The following PARM1 variants were observed in gnomAD, a reference collection of about 807,000 sequenced individuals.
PARM1 encodes prostate androgen-regulated mucin-like protein 1, also known as WSC4, cell wall integrity and stress response component 4 homolog.
Under a neutral mutation model 24.6 loss-of-function variants are expected in PARM1, and 14 were observed. That is an observed-to-expected ratio of 0.57 (90% CI 0.38 to 0.89). The LOEUF is 0.89. PARM1 is among the 40% of genes least tolerant of loss of function. PARM1 has a pLI of 0.00. For synonymous variants in PARM1, 179 were observed against 156.6 expected, an observed-to-expected ratio of 1.14 and a Z score of -1.07; for missense variants, 362 against 380.4, an observed-to-expected ratio of 0.95 and a Z score of 0.40.
chr4:74,971,647 C>T (rs115324856), intron 1 of PARM1, among the ~76,000 whole-genome samples: 89 of 152,224 alleles, frequency 5.8e-4, no homozygotes, highest in African/African-American at 2.0e-3. Flanking sequence ...CTTTGTTTAT[C>T]TGAAAATAAA....
At chr4:75,029,433 G>C (rs1578056947) in intron 2 of PARM1, among the ~76,000 whole-genome samples, 1 of 152,256 alleles carries the variant, frequency 6.6e-6, no homozygotes, top group Middle Eastern at 3.4e-3. Flanking sequence ...GGAATCATGG[G>C]GGTGAGTTTT....
intron 3 of PARM1, among the ~76,000 whole-genome samples, chr4:75,045,708 C>T (rs1218516934): frequency 6.6e-6 from 1 of 152,186 alleles, no homozygotes; most frequent in East Asian, 1.9e-4. Context: ...TATAGAAGCA[C>T]TTTATAAATT....
chr4:74,996,355 T>G (rs1722576462), intron 1 of PARM1, among the ~76,000 whole-genome samples: 1 of 152,194 alleles, frequency 6.6e-6, no homozygotes, highest in Non-Finnish European at 1.5e-5. Context: ...ATTTTTTAAA[T>G]TGAAGAATAA....
Position 74,933,246 on chromosome 4 carries a change from C to T in PARM1, c.-82C>T. On this transcript the variant is annotated 5_prime_UTR_variant, in exon 1 of 4. Transcript: ENST00000307428. The stretch of plus-strand genomic sequence containing the variant: ...ACCGCAGCCCACCCGGCAGAGGAGT[C>T]GCTACCAGCGCCCAGTGCGCTCTGT... 1.6e-6 allele frequency: 2 copies of T among 1,273,900 alleles called. No homozygotes were observed. Among genetic ancestry groups the T allele is most frequent in the Non-Finnish European group, 2.3e-6 (2 of 882,176 alleles). The allele number at this position is 1,273,900 out of a possible 1,614,324, so 78.9% of individuals were successfully genotyped here. A position where few individuals can be genotyped will look rare whatever the true frequency, so the allele number is the denominator to read the frequency against.
intron 2 of PARM1, among the ~76,000 whole-genome samples, chr4:75,022,216 G>A (rs1235649187): frequency 1.3e-5 from 2 of 152,140 alleles, no homozygotes; most frequent in South Asian, 2.1e-4. Flanking sequence ...GTGGTGTTGA[G>A]CACTTTTTCA....
chr4:74,976,769 T>A (rs1161979757), intron 1 of PARM1, among the ~76,000 whole-genome samples: 4 of 152,222 alleles, frequency 2.6e-5, no homozygotes, highest in Non-Finnish European at 5.9e-5. Context: ...TTTGCTGTTC[T>A]GCAGTCTCCA....
At chr4:74,935,399 A>C (rs536040726) in intron 1 of PARM1, among the ~76,000 whole-genome samples, 1 of 152,204 alleles carries the variant, frequency 6.6e-6, no homozygotes, top group African/African-American at 2.4e-5. Context: ...ATACCTCATG[A>C]GATTCTTTGC....
intron 1 of PARM1, among the ~76,000 whole-genome samples, chr4:74,996,979 A>G (rs2109783795): frequency 6.6e-6 from 1 of 152,320 alleles, no homozygotes; most frequent in South Asian, 2.1e-4. Context: ...TCAAAAAATA[A>G]TTTTGGCTTT....
At chr4:74,962,346 CA>C (rs201914343) in intron 1 of PARM1, among the ~76,000 whole-genome samples, 4 of 150,214 alleles carry the variant, frequency 2.7e-5, no homozygotes, top group East Asian at 1.9e-4. Context: ...CATTTAACTG[CA>C]AAAAAAATCA....
At chr4:74,969,041 A>C (rs1721967784) in intron 1 of PARM1, among the ~76,000 whole-genome samples, 1 of 152,228 alleles carries the variant, frequency 6.6e-6, no homozygotes. Context: ...GAATGGACTA[A>C]ATACAAGCAC....
chr4:75,009,964 C>G (rs1289789186), intron 1 of PARM1, among the ~76,000 whole-genome samples: 2 of 152,022 alleles, frequency 1.3e-5, no homozygotes, highest in East Asian at 3.8e-4. Flanking sequence ...AAAAATTAAG[C>G]AAAAAATTAC....
intron 2 of PARM1, among the ~76,000 whole-genome samples, chr4:75,025,218 A>C (rs1051567123): frequency 6.6e-6 from 1 of 152,318 alleles, no homozygotes; most frequent in African/African-American, 2.4e-5. Flanking sequence ...GAGATTCCCC[A>C]GCCTGGCCTC....
chr4:74,936,250 G>C (rs1335937663), intron 1 of PARM1, among the ~76,000 whole-genome samples: 1 of 152,052 alleles, frequency 6.6e-6, no homozygotes, highest in Non-Finnish European at 1.5e-5. Flanking sequence ...CACTTCTTAT[G>C]CCAGGATAAG....
intron 3 of PARM1, among the ~76,000 whole-genome samples, chr4:75,036,849 A>G (rs909624718): frequency 1.3e-5 from 2 of 152,224 alleles, no homozygotes; most frequent in African/African-American, 2.4e-5. Flanking sequence ...ATACAGTGGC[A>G]TAAATATAAG....
intron 1 of PARM1, among the ~76,000 whole-genome samples, chr4:74,989,347 C>G (rs891891084): frequency 1.3e-5 from 2 of 152,176 alleles, no homozygotes; most frequent in African/African-American, 4.8e-5. Context: ...CATATCCCCT[C>G]CTTGTGTTCA....
At chr4:75,014,940 G>A (rs540851676) in intron 2 of PARM1, among the ~76,000 whole-genome samples, 1 of 152,304 alleles carries the variant, frequency 6.6e-6, no homozygotes, top group African/African-American at 2.4e-5. Context: ...CAGAGTTGGT[G>A]TTGACTTTGA....
intron 1 of PARM1, among the ~76,000 whole-genome samples, chr4:74,933,914 C>T (rs1040775267): frequency 6.6e-6 from 1 of 152,186 alleles, no homozygotes; most frequent in Non-Finnish European, 1.5e-5. Context: ...GATGATGTGG[C>T]ACTAACAGCA....
rs369936562 is a variant in PARM1 at position 75,015,820 on chromosome 4, C to G, written c.769+2670C>G. On this transcript the variant is annotated intron_variant, in intron 2 of 3. Coordinates refer to ENST00000307428, the MANE Select transcript of PARM1 (RefSeq NM_015393.4). ...CCAGAGCTCTAAGCCAAGTCAAGTC[C>G]TCTCTCACCACTCTGAATTGCTGCA... 6.6e-5 allele frequency among the ~76,000 whole-genome samples: 10 copies of G among 152,196 alleles called. No individual in the cohort carries two copies. The East Asian group carries it at 1.7e-3, about 26-fold the overall frequency.
intron 1 of PARM1, among the ~76,000 whole-genome samples, chr4:74,985,337 G>A (rs777784079): frequency 5.9e-5 from 9 of 152,200 alleles, no homozygotes; most frequent in African/African-American, 1.9e-4. Flanking sequence ...ATTAGCTACA[G>A]AAATGGCTCA....
Sources: allele counts gnomAD v4.1 joint callset (sites outside exome capture counted in the v4.1 genomes callset), GRCh38; gene constraint gnomAD v4.1.1; transcripts MANE v1.5; gene names NCBI Gene and HGNC (gene_info 2026-07-23, HGNC 2026-07-21).